The following DKK2 variants were observed in gnomAD, a reference collection of about 807,000 sequenced individuals.
DKK2 encodes dickkopf Wnt signaling pathway inhibitor 2.
In DKK2, 11 loss-of-function variants were observed where a neutral mutation model predicts 28.1. The ratio of observed to expected loss-of-function variants is 0.39; its 90% CI spans 0.25 to 0.65. The LOEUF is 0.65. Among genes scored for constraint, DKK2 ranks in the 30% least tolerant of loss-of-function variants. The pLI is 0.47. For missense variants in DKK2, 326 were observed against 335.5 expected (o/e 0.97, Z 0.22); for synonymous variants, 135 against 126.5 (o/e 1.07, Z -0.45).
intron 1 of DKK2, among the ~76,000 whole-genome samples, chr4:106,964,658 T>C (rs1722741405): frequency 1.3e-5 from 2 of 152,132 alleles, no homozygotes; most frequent in Non-Finnish European, 2.9e-5. Context: ...GCTGTGAAGG[T>C]AATTTTTTAG....
chr4:107,021,796 G>A (rs903392363), intron 1 of DKK2, among the ~76,000 whole-genome samples: 2 of 151,826 alleles, frequency 1.3e-5, no homozygotes, highest in Non-Finnish European at 2.9e-5. Context: ...TATTTGGGGG[G>A]AAAAACAGAC....
At chr4:106,978,269 T>C (rs1438449313) in intron 1 of DKK2, among the ~76,000 whole-genome samples, 1 of 152,154 alleles carries the variant, frequency 6.6e-6, no homozygotes, top group Non-Finnish European at 1.5e-5. Flanking sequence ...TCGAGCGCTG[T>C]GTTTGGAGAC....
At chr4:106,935,412 T>C (rs1359027560) in intron 1 of DKK2, among the ~76,000 whole-genome samples, 1 of 152,210 alleles carries the variant, frequency 6.6e-6, no homozygotes, top group Non-Finnish European at 1.5e-5. Flanking sequence ...TCCAATGGGC[T>C]TAAAAAACGG....
At position 107,036,033 on chromosome 4, in the gene DKK2, T is replaced by G. The variant is rs1723960886; in HGVS notation, c.-442A>C. ...CTCCTTCTCCTTCAACTCAGTTGCTTTTCTCTCCTCTCTTTTCCTATCCTT... is the reference window on the plus strand; with the variant it reads ...CTCCTTCTCCTTCAACTCAGTTGCTGTTCTCTCCTCTCTTTTCCTATCCTT... On this transcript the variant is annotated 5_prime_UTR_variant, in exon 1 of 4. Coordinates refer to ENST00000285311, the MANE Select transcript of DKK2 (RefSeq NM_014421.3). 5.3e-6 allele frequency: 1 copy of G among 188,514 alleles called. No homozygotes were observed. Among genetic ancestry groups the G allele is most frequent in the African/African-American group, 2.4e-5 (1 of 42,330 alleles). 11.7% of individuals were successfully genotyped at this position (188,514 alleles called of 1,614,324 possible).
At chr4:106,949,337 C>A (rs1441228262) in intron 1 of DKK2, among the ~76,000 whole-genome samples, 1 of 152,116 alleles carries the variant, frequency 6.6e-6, no homozygotes, top group Non-Finnish European at 1.5e-5. Flanking sequence ...GTTACAAACA[C>A]CTGCAGAGCT....
intron 1 of DKK2, among the ~76,000 whole-genome samples, chr4:106,959,519 G>C (rs1265174087): frequency 6.6e-6 from 1 of 151,950 alleles, no homozygotes; most frequent in Non-Finnish European, 1.5e-5. Flanking sequence ...TATTGCCTAA[G>C]AGGATATACA....
At position 106,922,438 on chromosome 4, in the gene DKK2, T is replaced by C. The variant is rs1724359545; in HGVS notation, c.*1516A>G. 6.6e-6 allele frequency: 1 copy of C among 152,208 alleles called. No homozygotes were observed. The highest frequency in any genetic ancestry group is 6.6e-5 in the Admixed American group (1 of 15,258). 9.4% of individuals were successfully genotyped at this position (152,208 alleles called of 1,614,324 possible). A position where few individuals can be genotyped will look rare whatever the true frequency, so the allele number is the denominator to read the frequency against. On this transcript the variant is annotated 3_prime_UTR_variant, in exon 4 of 4. Transcript: ENST00000285311. ...AAGTGGTTTCAAAGAATTTAGAAAC[T>C]GTGGTGTCTATAGATTAGCAATATG...
intron 1 of DKK2, among the ~76,000 whole-genome samples, chr4:106,955,919 ACT>A (rs1180443949): frequency 6.6e-6 from 1 of 151,872 alleles, no homozygotes; most frequent in East Asian, 1.9e-4. Context: ...TGCTCCCTGA[ACT>A]CTTTTACCTT....
At chr4:106,989,684 C>T (rs937763901) in intron 1 of DKK2, among the ~76,000 whole-genome samples, 59 of 152,140 alleles carry the variant, frequency 3.9e-4, no homozygotes, top group African/African-American at 1.1e-3. Flanking sequence ...TTAAAAATAG[C>T]GTTGTAATTT....
At chr4:106,943,340 T>G (rs186612314) in intron 1 of DKK2, among the ~76,000 whole-genome samples, 181 of 152,244 alleles carry the variant, frequency 1.2e-3, no homozygotes, top group African/African-American at 3.0e-3. Flanking sequence ...CCTGGAATAA[T>G]TTACCATTCC....
At chr4:107,017,482 G>A (rs1039903601) in intron 1 of DKK2, among the ~76,000 whole-genome samples, 3 of 151,952 alleles carry the variant, frequency 2.0e-5, no homozygotes, top group Non-Finnish European at 4.4e-5. Context: ...ACCAAGTAAC[G>A]ACACAATATA....
chr4:107,025,582 T>C (rs1236275752), intron 1 of DKK2, among the ~76,000 whole-genome samples: 1 of 152,208 alleles, frequency 6.6e-6, no homozygotes, highest in African/African-American at 2.4e-5. Context: ...ACAAGCAGCC[T>C]GCATTCTTAG....
chr4:106,955,433 T>C (rs944126557), intron 1 of DKK2, among the ~76,000 whole-genome samples: 2 of 152,180 alleles, frequency 1.3e-5, no homozygotes, highest in African/African-American at 4.8e-5. Flanking sequence ...CATTGTAGGA[T>C]TGGCAGAGGA....
intron 1 of DKK2, among the ~76,000 whole-genome samples, chr4:107,003,022 T>A (rs1723385165): frequency 6.6e-6 from 1 of 152,170 alleles, no homozygotes; most frequent in Non-Finnish European, 1.5e-5. Flanking sequence ...GGATTATGAG[T>A]AGATTGAAAG....
chr4:106,966,267 C>G lies in DKK2; in HGVS notation c.223-40318G>C, dbSNP rs148033928. ...GTAATTTGATGCAATAATTGTGACT[C>G]TGCTAAAAAAGTTGGCTTTTGTGAT... On this transcript the variant is annotated intron_variant, in intron 1 of 3. Coordinates refer to ENST00000285311, the MANE Select transcript of DKK2 (RefSeq NM_014421.3). Among the ~76,000 whole-genome samples, 669 of 152,238 alleles carry G rather than the reference C, an allele frequency of 4.4e-3. 4 individuals carry two copies. Among genetic ancestry groups the G allele is most frequent in the African/African-American group, 0.016 (645 of 41,556 alleles).
rs74364830 is a variant in DKK2, at chr4:106,953,099, C to A, written c.223-27150G>T. ...TTTCCTTCCTTATGTTAGGTTATTT[C>A]TTGGTGTTCCTCCTAGGTAACCACG... On this transcript the variant is annotated intron_variant, in intron 1 of 3. Transcript: ENST00000285311. 1.4e-3 allele frequency among the ~76,000 whole-genome samples: 219 copies of A among 152,194 alleles called. 3 individuals carry two copies. In the East Asian group the frequency reaches 0.035, roughly 24 times the overall value.
Position 106,929,656 on chromosome 4 carries a change from T to C in DKK2, c.223-3707A>G, listed in dbSNP as rs1724473415. On this transcript the variant is annotated intron_variant, in intron 1 of 3. Coordinates refer to ENST00000285311, the MANE Select transcript of DKK2 (RefSeq NM_014421.3). ...TTTCCACAAATAGCAGTGTTACTTATTATTACAACCATGACATGAACTAAA... is the reference window on the plus strand; with the variant it reads ...TTTCCACAAATAGCAGTGTTACTTACTATTACAACCATGACATGAACTAAA... 2.0e-5 allele frequency among the ~76,000 whole-genome samples: 3 copies of C among 152,210 alleles called. No individual in the cohort carries two copies. In the South Asian group the frequency reaches 6.2e-4, roughly 31 times the overall value.
chr4:106,999,529 T>C (rs936602397), intron 1 of DKK2, among the ~76,000 whole-genome samples: 6 of 152,028 alleles, frequency 3.9e-5, no homozygotes, highest in Non-Finnish European at 8.8e-5. Context: ...GTATTTTTAG[T>C]AGAAACAGGG....
At chr4:106,924,355 C>G in intron 3 of DKK2, 151 bp from the exon 4 acceptor site, 1 of 1,273,710 alleles carries the variant, frequency 7.9e-7, no homozygotes, top group Non-Finnish European at 1.1e-6. Flanking sequence ...TACCAATTGG[C>G]TCTGCCTCTT....
Sources: allele counts gnomAD v4.1 joint callset (sites outside exome capture counted in the v4.1 genomes callset), GRCh38; gene constraint gnomAD v4.1.1; transcripts MANE v1.5; gene names NCBI Gene and HGNC (gene_info 2026-07-23, HGNC 2026-07-21).